Variants in CAMKMT observed in about 807,000 individuals in gnomAD.
The protein encoded by CAMKMT is calmodulin-lysine N-methyltransferase.
A neutral mutation model predicts 48.0 loss-of-function variants in CAMKMT; 53 were observed. The ratio of observed to expected loss-of-function variants is 1.10; its 90% CI spans 0.89 to 1.39. CAMKMT has a LOEUF of 1.39. Among genes scored for constraint, CAMKMT ranks in the 40% most tolerant of loss-of-function variants. The pLI, the probability that CAMKMT is intolerant of heterozygous loss-of-function variation, is 0.00. For missense variants in CAMKMT, 428 were observed against 402.7 expected (o/e 1.06, Z -0.54); for synonymous variants, 165 against 152.3 (o/e 1.08, Z -0.61).
chr2:44,705,727 C>G (rs1012696201), intron 4 of CAMKMT, among the ~76,000 whole-genome samples: 2 of 152,166 alleles, frequency 1.3e-5, no homozygotes, highest in East Asian at 1.9e-4. Context: ...GCTAAATGCT[C>G]TTTGTGTAAT....
chr2:44,417,761 G>A (rs1469170824), intron 3 of CAMKMT, among the ~76,000 whole-genome samples: 11 of 152,224 alleles, frequency 7.2e-5, no homozygotes, highest in Non-Finnish European at 1.5e-5. Flanking sequence ...GGTGTGTAGT[G>A]TATCTCATTG....
In CAMKMT at chr2:44,372,747, T is replaced by A; in HGVS notation, c.170T>A (p.Leu57Gln). 6.2e-7 allele frequency: 1 copy of A among 1,613,464 alleles called. No individual in the cohort carries two copies. The highest frequency in any genetic ancestry group is 1.1e-5 in the South Asian group (1 of 90,980). Residue 57 changes from leucine to glutamine, a missense_variant, in exon 2 of 11, where the codon CTG becomes CAG. Coordinates refer to ENST00000378494, the MANE Select transcript of CAMKMT (RefSeq NM_024766.5). ...AAGCAAAAACACCTGGATGATTGCC[T>A]GCGACATGTATCTGTAAGAAGATTT... ...VLKQKHLDDC[L>Q]RHVSVRRFES...
At chr2:44,527,376 C>T (rs1337551503) in intron 3 of CAMKMT, among the ~76,000 whole-genome samples, 5 of 138,556 alleles carry the variant, frequency 3.6e-5, no homozygotes, top group Non-Finnish European at 6.1e-5. Flanking sequence ...TATATACATA[C>T]ATATAATATA....
At chr2:44,696,209 C>G (rs1330958197) in intron 3 of CAMKMT, among the ~76,000 whole-genome samples, 2 of 152,180 alleles carry the variant, frequency 1.3e-5, no homozygotes, top group Non-Finnish European at 2.9e-5. Context: ...TCCCAAAGTG[C>G]TGGGATTACA....
At chr2:44,695,217 T>A (rs1365307458) in intron 3 of CAMKMT, among the ~76,000 whole-genome samples, 4 of 152,184 alleles carry the variant, frequency 2.6e-5, no homozygotes, top group Non-Finnish European at 5.9e-5. Context: ...AGGTTTGTTT[T>A]ACAGATAAAT....
At chr2:44,622,621 G>T (rs1043033959) in intron 3 of CAMKMT, among the ~76,000 whole-genome samples, 6 of 152,192 alleles carry the variant, frequency 3.9e-5, no homozygotes, top group Admixed American at 3.9e-4. Context: ...GCATTAATTT[G>T]CTTAGGATAA....
chr2:44,381,681 T>C (rs1387376156), intron 2 of CAMKMT, among the ~76,000 whole-genome samples: 1 of 152,200 alleles, frequency 6.6e-6, no homozygotes, highest in Non-Finnish European at 1.5e-5. Context: ...TGGGAAACTG[T>C]TTATAATACA....
At chr2:44,525,243 C>A (rs1175043418) in intron 3 of CAMKMT, among the ~76,000 whole-genome samples, 1 of 152,074 alleles carries the variant, frequency 6.6e-6, no homozygotes, top group East Asian at 1.9e-4. Flanking sequence ...ATAAAATTGT[C>A]CTAAAATTAC....
chr2:44,559,829 G>T (rs1252155838), intron 3 of CAMKMT, among the ~76,000 whole-genome samples: 2 of 152,080 alleles, frequency 1.3e-5, no homozygotes, highest in Non-Finnish European at 2.9e-5. Context: ...TAGCAAACTA[G>T]GTCTTGTCCA....
At chr2:44,511,808 A>T (rs1670573452) in intron 3 of CAMKMT, among the ~76,000 whole-genome samples, 3 of 152,206 alleles carry the variant, frequency 2.0e-5, no homozygotes, top group Middle Eastern at 3.4e-3. Flanking sequence ...CCCTCACTTC[A>T]AGTGTTTACA....
chr2:44,547,188 A>C (rs565718723), intron 3 of CAMKMT, among the ~76,000 whole-genome samples: 3 of 152,200 alleles, frequency 2.0e-5, no homozygotes, highest in African/African-American at 4.8e-5. Context: ...TTCCAGGTAC[A>C]CAAACCTAGT....
chr2:44,672,413 GT>G (rs968493246), intron 3 of CAMKMT, among the ~76,000 whole-genome samples: 5 of 151,176 alleles, frequency 3.3e-5, no homozygotes, highest in Non-Finnish European at 5.9e-5. Flanking sequence ...AATTTTGTGG[GT>G]TTTTTTTTCA....
chr2:44,386,834 C>T (rs1212846876), intron 2 of CAMKMT, among the ~76,000 whole-genome samples: 3 of 151,988 alleles, frequency 2.0e-5, no homozygotes, highest in Non-Finnish European at 2.9e-5. Context: ...TTGAAGGTTC[C>T]TTTTGGAGTT....
chr2:44,628,549 G>GTT (rs748325949), intron 3 of CAMKMT, among the ~76,000 whole-genome samples: 8 of 142,200 alleles, frequency 5.6e-5, no homozygotes, highest in South Asian at 2.2e-4. Flanking sequence ...TTTTTTCTAA[G>GTT]TTTTTTTTTT....
At position 44,445,649 on chromosome 2, in the gene CAMKMT, T is replaced by TG. The variant is rs1467039938; in HGVS notation, c.376+55344_376+55345insG. Among the ~76,000 whole-genome samples, 30 of 4,884 alleles carry TG rather than the reference T, an allele frequency of 6.1e-3. 6 individuals carry two copies. The highest frequency in any genetic ancestry group is 0.028 in the East Asian group (11 of 388). The allele number at this position is 4,884 out of a possible 152,430, so 3.2% of individuals were successfully genotyped here. ...CAACATGTCGGCAAAAGGGTAGTTT[T>TG]TTTTTTTTTTTTTTTTTTTTTTTTT... On this transcript the variant is annotated intron_variant, in intron 3 of 10. Transcript: ENST00000378494.
intron 3 of CAMKMT, among the ~76,000 whole-genome samples, chr2:44,605,543 A>G (rs1194597129): frequency 2.0e-5 from 3 of 152,166 alleles, no homozygotes; most frequent in Non-Finnish European, 4.4e-5. Context: ...AATAACTCAG[A>G]GTTTGTATAT....
Position 44,431,129 on chromosome 2 carries a change from T to C in CAMKMT, c.376+40824T>C, listed in dbSNP as rs557517644. Among the ~76,000 whole-genome samples, 7 of 152,356 alleles carry C rather than the reference T, an allele frequency of 4.6e-5. No homozygotes were observed. The South Asian group carries it at 1.5e-3, about 32-fold the overall frequency. On this transcript the variant is annotated intron_variant, in intron 3 of 10. Transcript: ENST00000378494. ...AATTAGGTCAGCACAATTAACCTAT[T>C]CTTTTTAATGAGAGATATTTTCCCT...
chr2:44,582,567 C>T (rs775146014), intron 3 of CAMKMT, among the ~76,000 whole-genome samples: 23 of 152,160 alleles, frequency 1.5e-4, no homozygotes, highest in Admixed American at 8.5e-4. Flanking sequence ...TAAGCAAGTC[C>T]AGCAATACCA....
intron 3 of CAMKMT, among the ~76,000 whole-genome samples, chr2:44,606,042 G>T (rs1671261197): frequency 6.6e-6 from 1 of 152,090 alleles, no homozygotes; most frequent in African/African-American, 2.4e-5. Flanking sequence ...TAATTCCTGA[G>T]TATTGTTCAA....
Sources: allele counts gnomAD v4.1 joint callset (sites outside exome capture counted in the v4.1 genomes callset), GRCh38; gene constraint gnomAD v4.1.1; transcripts MANE v1.5; gene names NCBI Gene and HGNC (gene_info 2026-07-23, HGNC 2026-07-21).